Variants in DLGAP2 observed in about 807,000 individuals in gnomAD.
The protein encoded by DLGAP2 is disks large-associated protein 2.
Under a neutral mutation model 100.3 loss-of-function variants are expected in DLGAP2, and 26 were observed. The observed-to-expected ratio is 0.26, with a 90% CI of 0.19 to 0.36. The LOEUF (loss-of-function observed/expected upper bound fraction) is 0.36, where lower values mean the gene tolerates loss of function less well. Among genes scored for constraint, DLGAP2 ranks in the 10% least tolerant of loss-of-function variants. DLGAP2 has a pLI of 1.00. For missense variants in DLGAP2, 1,858 were observed against 1,453.2 expected, an observed-to-expected ratio of 1.28 and a Z score of -4.53; for synonymous variants, 886 against 630.1, an observed-to-expected ratio of 1.41 and a Z score of -6.08.
chr8:1,181,537 C>T (rs938581108), intron 2 of DLGAP2, among the ~76,000 whole-genome samples: 5 of 151,586 alleles, frequency 3.3e-5, no homozygotes, highest in South Asian at 2.1e-4. Flanking sequence ...ACAGTGGGGC[C>T]GGGTTGAGGG....
chr8:1,001,181 T>G (rs2129018084), intron 2 of DLGAP2, among the ~76,000 whole-genome samples: 1 of 152,296 alleles, frequency 6.6e-6, no homozygotes, highest in African/African-American at 2.4e-5. Flanking sequence ...TAGATAATGT[T>G]TTTGGAGGAG....
intron 2 of DLGAP2, among the ~76,000 whole-genome samples, chr8:917,941 T>C (rs1310760558): frequency 3.9e-5 from 6 of 152,160 alleles, no homozygotes. Flanking sequence ...TGGATGACAA[T>C]GAGACTGCCT....
intron 6 of DLGAP2, among the ~76,000 whole-genome samples, chr8:1,614,547 C>T (rs1006089363): frequency 3.3e-5 from 5 of 152,190 alleles, no homozygotes; most frequent in Admixed American, 6.5e-5. Context: ...CATGACTTAC[C>T]GGACGACCTT....
Position 1,316,912 on chromosome 8 carries a change from C to T in DLGAP2, c.106+58029C>T, listed in dbSNP as rs796440335. Among the ~76,000 whole-genome samples, 23 of 118,720 alleles carry T rather than the reference C, an allele frequency of 1.9e-4. No homozygotes were observed. In the East Asian group the frequency reaches 3.7e-3, roughly 19 times the overall value. The allele number at this position is 118,720 out of a possible 152,430, so 77.9% of individuals were successfully genotyped here. On this transcript the variant is annotated intron_variant, in intron 3 of 14. Transcript: ENST00000637795. ...AAAAATAGAGCGTGTGCGAGTGCAG[C>T]GTCTCTCCAACAGTGGTCTACACTC...
At chr8:1,436,910 C>T (rs1164922149) in intron 3 of DLGAP2, among the ~76,000 whole-genome samples, 4 of 152,258 alleles carry the variant, frequency 2.6e-5, no homozygotes, top group Non-Finnish European at 4.4e-5. Flanking sequence ...CTTCTTACCC[C>T]TGTGTTACAG....
intron 2 of DLGAP2, among the ~76,000 whole-genome samples, chr8:1,009,144 G>A (rs755963238): frequency 6.6e-6 from 1 of 152,212 alleles, no homozygotes; most frequent in Non-Finnish European, 1.5e-5. Context: ...TTCCTGCAAT[G>A]CTTGGTCAGC....
In DLGAP2 at chr8:1,668,428, C is replaced by G; in HGVS notation, c.1910C>G (p.Ser637Cys). 1 of 1,603,214 alleles carries G rather than the reference C, an allele frequency of 6.2e-7. No homozygotes were observed. The highest frequency in any genetic ancestry group is 8.5e-7 in the Non-Finnish European group (1 of 1,175,434). ...ISVTAQSSTE[S>C]TQDAYQDSRA... ...GTGACGGCGCAGAGCAGCACCGAAT[C>G]CACCCAGGACGCCTACCAGGACAGC... The change falls in exon 9 of 15, where the codon TCC (serine) becomes TGC (cysteine). Residue 637 changes from serine to cysteine, a missense_variant. Coordinates refer to ENST00000637795, the MANE Select transcript of DLGAP2 (RefSeq NM_001346810.2).
At chr8:1,360,879 G>A (rs1466518177) in intron 3 of DLGAP2, among the ~76,000 whole-genome samples, 1 of 152,232 alleles carries the variant, frequency 6.6e-6, no homozygotes, top group Non-Finnish European at 1.5e-5. Context: ...ACCCGGGAAT[G>A]CTCTGGCCCC....
intron 3 of DLGAP2, among the ~76,000 whole-genome samples, chr8:1,474,799 C>T (rs1264492298): frequency 6.6e-6 from 1 of 152,204 alleles, no homozygotes; most frequent in Non-Finnish European, 1.5e-5. Flanking sequence ...TACATTGGTT[C>T]AGCCCCTGTG....
intron 1 of DLGAP2, among the ~76,000 whole-genome samples, chr8:748,942 G>T (rs1820720434): frequency 6.6e-6 from 1 of 152,196 alleles, no homozygotes; most frequent in African/African-American, 2.4e-5. Flanking sequence ...AATCTATTTT[G>T]CTCTCTCTGT....
At chr8:1,519,294 C>G (rs949231077) in intron 4 of DLGAP2, among the ~76,000 whole-genome samples, 8 of 132,110 alleles carry the variant, frequency 6.1e-5, no homozygotes, top group African/African-American at 2.4e-4. Flanking sequence ...GCATAGAACC[C>G]TTGTCTACTT....
At chr8:1,325,368 G>A (rs962094729) in intron 3 of DLGAP2, among the ~76,000 whole-genome samples, 2 of 152,186 alleles carry the variant, frequency 1.3e-5, no homozygotes, top group Non-Finnish European at 2.9e-5. Context: ...CCTGCAGGGG[G>A]CGTCCTCCCA....
chr8:1,273,920 CT>C (rs534369151), intron 3 of DLGAP2, among the ~76,000 whole-genome samples: 132 of 152,296 alleles, frequency 8.7e-4, no homozygotes, highest in African/African-American at 3.2e-3. Context: ...TGCTCTGACT[CT>C]GGACAATAAG....
In DLGAP2 at chr8:1,343,507, G is replaced by T. The variant is rs188872498; in HGVS notation, c.106+84624G>T. Among the ~76,000 whole-genome samples the T allele has an allele frequency of 5.2e-3, 790 of 152,318 alleles. 5 individuals carry two copies. Among genetic ancestry groups the T allele is most frequent in the South Asian group, 0.037 (178 of 4,830 alleles). On this transcript the variant is annotated intron_variant, in intron 3 of 14. Transcript: ENST00000637795. ...GAAAACTGGCACCACATGGCCCAGG[G>T]CCCAGGTAAGCAAAGACTCTCTCAG...
intron 2 of DLGAP2, among the ~76,000 whole-genome samples, chr8:1,106,137 G>A (rs1391348107): frequency 1.0e-4 from 15 of 148,362 alleles, no homozygotes; most frequent in African/African-American, 3.5e-4. Context: ...CTATTGAGGG[G>A]AGCCATTCTA....
chr8:1,517,663 C>G (rs1453180027), intron 4 of DLGAP2, among the ~76,000 whole-genome samples: 1 of 152,204 alleles, frequency 6.6e-6, no homozygotes, highest in Non-Finnish European at 1.5e-5. Flanking sequence ...AGAAGGGCCT[C>G]CCGTTTCTGG....
intron 1 of DLGAP2, among the ~76,000 whole-genome samples, chr8:817,331 A>G (rs906998249): frequency 1.3e-5 from 2 of 152,110 alleles, no homozygotes; most frequent in African/African-American, 2.4e-5. Context: ...TTTTTTATTT[A>G]TGCTATCTAT....
At chr8:1,493,176 C>G (rs904170911) in intron 3 of DLGAP2, among the ~76,000 whole-genome samples, 1 of 152,210 alleles carries the variant, frequency 6.6e-6, no homozygotes, top group Non-Finnish European at 1.5e-5. Context: ...AGGCAGTGCC[C>G]TAGGAACCCA....
intron 4 of DLGAP2, among the ~76,000 whole-genome samples, chr8:1,540,580 G>T (rs1029521556): frequency 6.6e-6 from 1 of 152,224 alleles, no homozygotes; most frequent in Non-Finnish European, 1.5e-5. Flanking sequence ...CAAACTTCCT[G>T]CCGGGCTGGG....
Sources: allele counts gnomAD v4.1 joint callset (sites outside exome capture counted in the v4.1 genomes callset), GRCh38; gene constraint gnomAD v4.1.1; transcripts MANE v1.5; gene names NCBI Gene and HGNC (gene_info 2026-07-23, HGNC 2026-07-21).